Variants in MEG3 observed in about 807,000 individuals in gnomAD.
MEG3 encodes the protein Very putative protein from MEG3 locus.
intron 2 of MEG3, among the ~76,000 whole-genome samples, chr14:100,842,984 A>G (rs2037804494): frequency 6.6e-6 from 1 of 152,184 alleles, no homozygotes; most frequent in African/African-American, 2.4e-5. Context: ...CTTTTCTGAC[A>G]TTTGTTAAGA....
intron 3 of MEG3, chr14:100,852,242 G>T (rs2038102991): frequency 2.2e-6 from 1 of 460,520 alleles, no homozygotes; most frequent in South Asian, 1.6e-5. Context: ...AGCAAAGTGG[G>T]GTGCTCAGGA....
chr14:100,840,120 AGAG>A (rs2037707513), intron 2 of MEG3, among the ~76,000 whole-genome samples: 1 of 152,184 alleles, frequency 6.6e-6, no homozygotes, highest in African/African-American at 2.4e-5. Context: ...TGTGTGTGAG[AGAG>A]GAGTTCATTA....
At chr14:100,841,284 A>G (rs2037750782) in intron 2 of MEG3, among the ~76,000 whole-genome samples, 1 of 152,072 alleles carries the variant, frequency 6.6e-6, no homozygotes, top group African/African-American at 2.4e-5. Context: ...TCTTCCAGAG[A>G]CCTGGTTAGA....
intron 1 of MEG3, among the ~76,000 whole-genome samples, chr14:100,827,228 G>T (rs1248739691): frequency 6.6e-6 from 1 of 152,048 alleles, no homozygotes; most frequent in Non-Finnish European, 1.5e-5. Flanking sequence ...TCCCACCCTG[G>T]GCCGGCGGGC....
At position 100,845,513 on chromosome 14, in the gene MEG3, G is replaced by C. The variant is rs2037893450; in HGVS notation, n.3101G>C. On this transcript the variant is annotated non_coding_transcript_exon_variant, in exon 3 of 4. Transcript: ENST00000398461. This position sits in a 1 kb window ranked among gnomAD's most constrained non-coding sequence, Gnocchi z 5.2. ...AAGGGACCTCGAATGTGGGACCCCAGCCCCTCTCCAGCTCGAAATCGTAAG... is the reference window on the plus strand; with the variant it reads ...AAGGGACCTCGAATGTGGGACCCCACCCCCTCTCCAGCTCGAAATCGTAAG... The C allele has an allele frequency of 2.2e-6, 1 of 456,732 alleles. No individual in the cohort carries two copies. The highest frequency in any genetic ancestry group is 2.0e-5 in the African/African-American group (1 of 50,210). 28.3% of individuals were successfully genotyped at this position (456,732 alleles called of 1,614,324 possible). A position where few individuals can be genotyped will look rare whatever the true frequency, so the allele number is the denominator to read the frequency against.
At chr14:100,850,002 T>C (rs1038183214) in intron 3 of MEG3, 1 of 152,114 alleles carries the variant, frequency 6.6e-6, no homozygotes, top group Non-Finnish European at 1.5e-5. Flanking sequence ...ATAGATGCAA[T>C]TGAGGTTCAT....
intron 3 of MEG3, chr14:100,847,521 A>G (rs543586671): frequency 2.0e-4 from 31 of 152,384 alleles, no homozygotes; most frequent in African/African-American, 6.7e-4. Flanking sequence ...ATAAAGATGT[A>G]AAAGAAGGCA....
At chr14:100,860,251 G>A (rs760164344) in exon 1 of MEG3, 12 of 215,780 alleles carry the variant, frequency 5.6e-5, no homozygotes, top group African/African-American at 1.2e-4. Context: ...GAGAGGATCC[G>A]AGGGGAAATG....
chr14:100,845,505 G>A lies in MEG3; in HGVS notation n.3093G>A, dbSNP rs1032672827. 4.4e-6 allele frequency: 2 copies of A among 456,626 alleles called. No individual in the cohort carries two copies. The highest frequency in any genetic ancestry group is 4.7e-5 in the Admixed American group (2 of 42,566). The allele number at this position is 456,626 out of a possible 1,614,324, so 28.3% of individuals were successfully genotyped here. A position where few individuals can be genotyped will look rare whatever the true frequency, so the allele number is the denominator to read the frequency against. ...TACGTGGGAAGGGACCTCGAATGTG[G>A]GACCCCAGCCCCTCTCCAGCTCGAA... is the stretch of plus-strand genomic sequence containing the variant. On this transcript the variant is annotated non_coding_transcript_exon_variant, in exon 3 of 4. Coordinates refer to the MEG3 transcript ENST00000398461. This position sits in a 1 kb window ranked among gnomAD's most constrained non-coding sequence, Gnocchi z 5.2.
downstream of MEG3, chr14:100,830,212 G>T (rs1264486398): frequency 1.3e-5 from 2 of 152,142 alleles, no homozygotes; most frequent in Non-Finnish European, 2.9e-5. Flanking sequence ...TGCCTGGGGT[G>T]GTCTTGGGGG....
At position 100,845,724 on chromosome 14, in the gene MEG3, A is replaced by G; in HGVS notation, n.3121+191A>G. 1 of 231,852 alleles carries G rather than the reference A, an allele frequency of 4.3e-6. No individual in the cohort carries two copies. The highest frequency in any genetic ancestry group is 4.2e-5 in the South Asian group (1 of 23,932). 14.4% of individuals were successfully genotyped at this position (231,852 alleles called of 1,614,324 possible). On this transcript the variant is annotated intron_variant and non_coding_transcript_variant, in intron 3 of 3. Coordinates refer to the MEG3 transcript ENST00000398461. The surrounding 1 kb of genome is among the most constrained non-coding windows in gnomAD (Gnocchi z 5.2). Reference sequence around the variant, plus strand: ...CCTGGGGGCTCCTGTTTTCTAAGACAGGAGCCCCCTGCCTCCTTGTGTTGT... The same window carrying G: ...CCTGGGGGCTCCTGTTTTCTAAGACGGGAGCCCCCTGCCTCCTTGTGTTGT...
chr14:100,834,649 C>T (rs892160031), exon 1 of MEG3: 8 of 455,958 alleles, frequency 1.8e-5, no homozygotes, highest in South Asian at 3.1e-5. Context: ...CCTGGCCATC[C>T]CGGGGTGCCC....
At chr14:100,838,231 G>C (rs1466773072) in intron 2 of MEG3, among the ~76,000 whole-genome samples, 2 of 152,114 alleles carry the variant, frequency 1.3e-5, no homozygotes, top group Non-Finnish European at 2.9e-5. Flanking sequence ...TGAAGGCCAG[G>C]GGCACACAGG....
At chr14:100,836,193 C>G (rs779273858) in exon 2 of MEG3, 4 of 456,162 alleles carry the variant, frequency 8.8e-6, no homozygotes, top group South Asian at 4.7e-5. Context: ...CCGGCTGGGT[C>G]GGCTGAAGAA....
At chr14:100,835,831 A>G (rs2139955499) in exon 1 of MEG3, 1 of 226,152 alleles carries the variant, frequency 4.4e-6, no homozygotes, top group South Asian at 5.8e-5. Flanking sequence ...CCTCAGGGCT[A>G]TGGACAGACT....
chr14:100,827,939 G>C (rs1400055624), intron 1 of MEG3, among the ~76,000 whole-genome samples: 1 of 152,212 alleles, frequency 6.6e-6, no homozygotes, highest in Non-Finnish European at 1.5e-5. Flanking sequence ...GCCTGGCGCA[G>C]GTCCGCTGGG....
At chr14:100,850,288 T>A (rs2038029084) in intron 3 of MEG3, 1 of 152,114 alleles carries the variant, frequency 6.6e-6, no homozygotes, top group African/African-American at 2.4e-5. Flanking sequence ...CACCTGACTT[T>A]ATAAGAACCA....
At chr14:100,828,633 GCT>G (rs1174414284) in intron 1 of MEG3, 1 of 144,040 alleles carries the variant, frequency 6.9e-6, no homozygotes, top group Non-Finnish European at 1.5e-5. Flanking sequence ...GCCCCCTTTT[GCT>G]CTCTGCTGTT....
chr14:100,827,108 C>T (rs2139929604), intron 1 of MEG3, among the ~76,000 whole-genome samples: 2 of 152,216 alleles, frequency 1.3e-5, no homozygotes, highest in South Asian at 2.1e-4. Context: ...GTCTTCAGAG[C>T]GTTGCGTGGT....
Sources: allele counts gnomAD v4.1 joint callset (sites outside exome capture counted in the v4.1 genomes callset), GRCh38; gene constraint gnomAD v4.1.1; non-coding constraint Gnocchi (gnomAD v3.1); transcripts MANE v1.5; gene names NCBI Gene and HGNC (gene_info 2026-07-23, HGNC 2026-07-21).